CTNNA2: variants seen among roughly 807,000 people sequenced by gnomAD.
The protein encoded by CTNNA2 is catenin alpha-2.
A neutral mutation model predicts 101.0 loss-of-function variants in CTNNA2; 42 were observed. The ratio of observed to expected loss-of-function variants is 0.42; its 90% confidence interval spans 0.32 to 0.54. The LOEUF is 0.54. Ranked by LOEUF, CTNNA2 falls within the 20% of genes least tolerant of loss-of-function variation. The pLI is 0.14. For missense variants in CTNNA2, 871 were observed against 1,223.1 expected (o/e 0.71, Z 4.29); for synonymous variants, 450 against 456.4 (o/e 0.99, Z 0.18).
At chr2:79,463,238 C>T (rs1280998941) in intron 4 of CTNNA2, among the ~76,000 whole-genome samples, 3 of 151,788 alleles carry the variant, frequency 2.0e-5, no homozygotes, top group Non-Finnish European at 4.4e-5. Context: ...ATGGTGAAAC[C>T]CTGTCTCTAA....
intron 4 of CTNNA2, among the ~76,000 whole-genome samples, chr2:79,423,329 A>T (rs565256763): frequency 2.0e-5 from 3 of 152,326 alleles, no homozygotes; most frequent in Non-Finnish European, 4.4e-5. Context: ...AGACCATCCT[A>T]TCTGCCCACT....
At chr2:80,312,088 T>C (rs969717216) in intron 7 of CTNNA2, among the ~76,000 whole-genome samples, 4 of 152,246 alleles carry the variant, frequency 2.6e-5, no homozygotes, top group African/African-American at 7.2e-5. Flanking sequence ...GAAATGCTTG[T>C]TCCTCATTGC....
intron 3 of CTNNA2, among the ~76,000 whole-genome samples, chr2:79,318,971 T>C (rs539492221): frequency 1.3e-5 from 2 of 152,294 alleles, no homozygotes; most frequent in East Asian, 1.9e-4. Context: ...ACAGAGCTAA[T>C]AGTCACTTAG....
intron 9 of CTNNA2, among the ~76,000 whole-genome samples, chr2:80,460,313 G>A (rs1174857751): frequency 1.3e-5 from 2 of 151,952 alleles, no homozygotes; most frequent in African/African-American, 2.4e-5. Context: ...CATGGTCTTT[G>A]GAGAATTATA....
At chr2:79,398,417 C>G (rs1377890337) in intron 4 of CTNNA2, among the ~76,000 whole-genome samples, 1 of 152,040 alleles carries the variant, frequency 6.6e-6, no homozygotes, top group Non-Finnish European at 1.5e-5. Context: ...GTAACTCATG[C>G]CTATAGTCTA....
chr2:79,357,177 T>A (rs988531172), intron 3 of CTNNA2, among the ~76,000 whole-genome samples: 1 of 151,848 alleles, frequency 6.6e-6, no homozygotes, highest in African/African-American at 2.4e-5. Flanking sequence ...AAGAAAAAAA[T>A]TAGTTAAGTG....
At chr2:79,444,191 A>G (rs1445177399) in intron 4 of CTNNA2, among the ~76,000 whole-genome samples, 2 of 152,132 alleles carry the variant, frequency 1.3e-5, no homozygotes, top group Non-Finnish European at 2.9e-5. Context: ...CTGTGCTCCC[A>G]TAACATGATG....
Position 79,916,958 on chromosome 2 carries a change from G to GT in CTNNA2, c.1056+7167dup, listed in dbSNP as rs1686279756. On this transcript the variant is annotated intron_variant, in intron 7 of 18. Coordinates refer to ENST00000402739, the MANE Select transcript of CTNNA2 (RefSeq NM_001282597.3). ...TTTGTTTGTTTGTTTGTTTTGTTTT[G>GT]TTTTTTGAGACGGAGTCTGGCTCTA... 2.0e-5 allele frequency among the ~76,000 whole-genome samples: 3 copies of GT among 151,884 alleles called. No individual in the cohort carries two copies. The South Asian group carries it at 6.2e-4, about 31-fold the overall frequency.
At chr2:80,119,537 A>G (rs1200545708) in intron 7 of CTNNA2, among the ~76,000 whole-genome samples, 4 of 152,260 alleles carry the variant, frequency 2.6e-5, no homozygotes, top group African/African-American at 9.6e-5. Context: ...ACTATTAGGT[A>G]AATGAACTTA....
At chr2:80,591,752 T>C (rs13010940) in intron 15 of CTNNA2, among the ~76,000 whole-genome samples, 1 of 152,158 alleles carries the variant, frequency 6.6e-6, no homozygotes, top group African/African-American at 2.4e-5. Flanking sequence ...TATTATCTTG[T>C]TGTTTTATTC....
intron 7 of CTNNA2, among the ~76,000 whole-genome samples, chr2:80,343,307 A>G (rs1429199301): frequency 6.6e-6 from 1 of 151,882 alleles, no homozygotes; most frequent in Non-Finnish European, 1.5e-5. Context: ...CATTGTAATG[A>G]GGCAAGAATA....
rs59521287 is a variant in CTNNA2 at position 80,117,455 on chromosome 2, A to AGTGTGTGTGTGTGTGTGTGT, written c.1056+207671_1056+207690dup. On this transcript the variant is annotated intron_variant, in intron 7 of 18. Transcript: ENST00000402739. ...ATTCAGCATAGATGGTTCCTGTGTGAGTGTGTGTGTGTGTGTGTGTGTGTG... is the reference window on the plus strand; with the variant it reads ...ATTCAGCATAGATGGTTCCTGTGTGAGTGTGTGTGTGTGTGTGTGTGTGTGTGTGTGTGTGTGTGTGTGTG... Among the ~76,000 whole-genome samples, 7 of 145,882 alleles carry AGTGTGTGTGTGTGTGTGTGT rather than the reference A, an allele frequency of 4.8e-5. No homozygotes were observed. The East Asian group carries it at 6.1e-4, about 13-fold the overall frequency.
intron 1 of CTNNA2, among the ~76,000 whole-genome samples, chr2:79,194,776 T>A (rs1673937155): frequency 6.6e-6 from 1 of 152,192 alleles, no homozygotes. Flanking sequence ...CAGAGAAATT[T>A]GAGTGGTTCA....
chr2:79,480,675 G>GGTTATT (rs1671099312), intron 4 of CTNNA2, among the ~76,000 whole-genome samples: 1 of 151,912 alleles, frequency 6.6e-6, no homozygotes, highest in Non-Finnish European at 1.5e-5. Context: ...TATCCATTCT[G>GGTTATT]CTCACTGTGT....
intron 1 of CTNNA2, among the ~76,000 whole-genome samples, chr2:79,564,085 G>GT: frequency 6.6e-6 from 1 of 152,098 alleles, no homozygotes; most frequent in East Asian, 1.9e-4. Context: ...GTGGGTTTGC[G>GT]TATCACCTAC....
chr2:79,451,071 A>T (rs1670742965), intron 4 of CTNNA2, among the ~76,000 whole-genome samples: 1 of 152,050 alleles, frequency 6.6e-6, no homozygotes, highest in Admixed American at 6.6e-5. Flanking sequence ...GTATGTAAAA[A>T]CCCACTCAGA....
At chr2:80,445,126 GTTTTATGTT>G in intron 9 of CTNNA2, among the ~76,000 whole-genome samples, 1 of 152,046 alleles carries the variant, frequency 6.6e-6, no homozygotes, top group South Asian at 2.1e-4. Context: ...GCAAGTTTAG[GTTTTATGTT>G]TGTCTCTTTG....
At chr2:80,549,589 C>T (rs929104623) in intron 11 of CTNNA2, among the ~76,000 whole-genome samples, 61 of 152,152 alleles carry the variant, frequency 4.0e-4, no homozygotes, top group African/African-American at 1.3e-3. Context: ...TAGAGTGTGC[C>T]ACCCAAACAT....
chr2:80,221,126 A>G (rs895942042), intron 7 of CTNNA2, among the ~76,000 whole-genome samples: 2 of 151,518 alleles, frequency 1.3e-5, no homozygotes, highest in African/African-American at 4.9e-5. Context: ...CAAGTGATCC[A>G]CCTCCCTCGG....
Sources: allele counts gnomAD v4.1 joint callset (sites outside exome capture counted in the v4.1 genomes callset), GRCh38; gene constraint gnomAD v4.1.1; transcripts MANE v1.5; gene names NCBI Gene and HGNC (gene_info 2026-07-23, HGNC 2026-07-21).